The following DGKB variants were observed in gnomAD, a reference collection of about 807,000 sequenced individuals.
DGKB encodes the protein diacylglycerol kinase beta.
A neutral mutation model predicts 114.3 loss-of-function variants in DGKB; 67 were observed. The ratio of observed to expected loss-of-function variants is 0.59; its 90% CI spans 0.48 to 0.72. The LOEUF is 0.72. DGKB is among the 30% of genes least tolerant of loss of function. The probability of loss-of-function intolerance (pLI) is 0.00; values close to 1 mark genes in which losing one functional copy is unlikely to be tolerated. For synonymous variants in DGKB, 398 were observed against 323.1 expected, an observed-to-expected ratio of 1.23 and a Z score of -2.49; for missense variants, 907 against 975.2, an observed-to-expected ratio of 0.93 and a Z score of 0.93.
intron 17 of DGKB, among the ~76,000 whole-genome samples, chr7:14,603,352 C>T (rs1026325217): frequency 1.1e-4 from 16 of 152,096 alleles, no homozygotes; most frequent in African/African-American, 3.9e-4. Context: ...CAACAGAGCT[C>T]AATTAAATTT....
At chr7:14,593,467 A>T (rs557367535) in intron 17 of DGKB, among the ~76,000 whole-genome samples, 1 of 152,138 alleles carries the variant, frequency 6.6e-6, no homozygotes, top group African/African-American at 2.4e-5. Flanking sequence ...GAAACATCAA[A>T]TTTTTAATGT....
chr7:14,248,444 G>A (rs1584716609), intron 23 of DGKB, among the ~76,000 whole-genome samples: 1 of 152,146 alleles, frequency 6.6e-6, no homozygotes, highest in Admixed American at 6.5e-5. Flanking sequence ...TTTGTATGTA[G>A]TATGGACATT....
intron 23 of DGKB, among the ~76,000 whole-genome samples, chr7:14,327,911 C>T (rs532364672): frequency 6.6e-6 from 1 of 152,184 alleles, no homozygotes; most frequent in South Asian, 2.1e-4. Context: ...CAGTTCCTTG[C>T]AAGAGACCAT....
Position 14,603,226 on chromosome 7 carries a change from T to C in DGKB, c.1433+4208A>G, listed in dbSNP as rs556617836. 5.3e-5 allele frequency among the ~76,000 whole-genome samples: 8 copies of C among 152,286 alleles called. No individual in the cohort carries two copies. In the East Asian group the frequency reaches 1.4e-3, roughly 26 times the overall value. ...ATCAGAATTATGCTTACACATTTAA[T>C]TGGGGGAGAGCTTGCCGAATCATCT... On this transcript the variant is annotated intron_variant, in intron 17 of 25. Coordinates refer to ENST00000402815, the MANE Select transcript of DGKB (RefSeq NM_001350709.2).
At chr7:14,298,872 A>T (rs926751004) in intron 23 of DGKB, among the ~76,000 whole-genome samples, 2 of 152,210 alleles carry the variant, frequency 1.3e-5, no homozygotes, top group Non-Finnish European at 2.9e-5. Flanking sequence ...TCCATCAAAA[A>T]GTGGGTGAAG....
chr7:14,495,220 T>C (rs1046461551), intron 20 of DGKB, among the ~76,000 whole-genome samples: 1 of 151,822 alleles, frequency 6.6e-6, no homozygotes, highest in Non-Finnish European at 1.5e-5. Flanking sequence ...TCTATAATAC[T>C]ATTGCACAAA....
At chr7:14,771,295 G>A (rs1837365383) in intron 2 of DGKB, among the ~76,000 whole-genome samples, 1 of 152,068 alleles carries the variant, frequency 6.6e-6, no homozygotes, top group Non-Finnish European at 1.5e-5. Context: ...TTTTCAGTTG[G>A]TCTGGTGATA....
intron 23 of DGKB, among the ~76,000 whole-genome samples, chr7:14,219,906 T>G (rs1451202916): frequency 2.0e-5 from 3 of 151,752 alleles, no homozygotes; most frequent in African/African-American, 2.4e-5. Context: ...GTTTTAGATC[T>G]TACACTTACA....
Position 14,901,750 on chromosome 7 carries a change from T to C in DGKB, c.-188+842A>G, listed in dbSNP as rs560662983. ...ACCTTCAGTATTCTGCTTGCATTCATGTTTATTTGGTCATTTGCTTTACAA... is the reference window on the plus strand; with the variant it reads ...ACCTTCAGTATTCTGCTTGCATTCACGTTTATTTGGTCATTTGCTTTACAA... On this transcript the variant is annotated intron_variant, in intron 1 of 25. Coordinates refer to ENST00000402815, the MANE Select transcript of DGKB (RefSeq NM_001350709.2). Among the ~76,000 whole-genome samples, 397 of 152,244 alleles carry C rather than the reference T, an allele frequency of 2.6e-3. 3 individuals carry two copies. Among genetic ancestry groups the C allele is most frequent in the Middle Eastern group, 0.01 (3 of 294 alleles).
intron 23 of DGKB, among the ~76,000 whole-genome samples, chr7:14,272,063 T>C (rs1002814675): frequency 1.3e-5 from 2 of 152,178 alleles, no homozygotes; most frequent in East Asian, 1.9e-4. Context: ...TAGATAACCA[T>C]ACAGTACCAT....
chr7:14,235,439 C>G (rs976868582), intron 23 of DGKB, among the ~76,000 whole-genome samples: 1 of 151,920 alleles, frequency 6.6e-6, no homozygotes, highest in Non-Finnish European at 1.5e-5. Flanking sequence ...TTCTGTACAA[C>G]AGAGAAGGGC....
chr7:14,678,223 T>C (rs188714842), intron 12 of DGKB, among the ~76,000 whole-genome samples: 32 of 152,148 alleles, frequency 2.1e-4, no homozygotes, highest in Admixed American at 3.9e-4. Flanking sequence ...ATGTGTGACA[T>C]GGACAAGCAA....
At chr7:14,314,691 A>G (rs562833106) in intron 23 of DGKB, among the ~76,000 whole-genome samples, 10 of 152,038 alleles carry the variant, frequency 6.6e-5, no homozygotes, top group South Asian at 2.1e-4. Context: ...GAATGGAACC[A>G]AGTTGGAAAA....
At chr7:14,959,835 T>C (rs149103781) in intron 1 of DGKB, among the ~76,000 whole-genome samples, 12 of 152,066 alleles carry the variant, frequency 7.9e-5, no homozygotes, top group African/African-American at 2.9e-4. Flanking sequence ...AAAGATTTTA[T>C]CCCACTTCAT....
At chr7:14,192,441 T>C (rs949930115) in intron 23 of DGKB, among the ~76,000 whole-genome samples, 2 of 152,156 alleles carry the variant, frequency 1.3e-5, no homozygotes, top group African/African-American at 4.8e-5. Context: ...TGTAAAACTT[T>C]GATGAAAAAT....
At chr7:14,159,346 C>A (rs1783512467) in intron 25 of DGKB, among the ~76,000 whole-genome samples, 1 of 152,104 alleles carries the variant, frequency 6.6e-6, no homozygotes, top group African/African-American at 2.4e-5. Context: ...TTTTGAGTTT[C>A]TTTGAAAGCC....
intron 20 of DGKB, among the ~76,000 whole-genome samples, chr7:14,573,469 G>C (rs1198744124): frequency 8.0e-4 from 19 of 23,768 alleles, no homozygotes; most frequent in African/African-American, 2.9e-3. Context: ...ATCTATCTCT[G>C]TGTGTGTGTG....
chr7:14,864,793 A>AC (rs1421799774), intron 1 of DGKB, among the ~76,000 whole-genome samples: 2 of 111,856 alleles, frequency 1.8e-5, no homozygotes, highest in Non-Finnish European at 4.9e-5. Context: ...AGAGATGATG[A>AC]CAAAAAAAAA....
chr7:14,697,790 G>GAAA lies in DGKB; in HGVS notation c.591+304_591+305insTTT, dbSNP rs1563943642. ...AAAGAAACAAAGAGAAAGAAAGAAA[G>GAAA]GAAGGAAGGAAGAAAGAGAAAGAAA... On this transcript the variant is annotated intron_variant, in intron 8 of 25. Transcript: ENST00000402815. Among the ~76,000 whole-genome samples the GAAA allele has an allele frequency of 2.4e-3, 327 of 138,894 alleles. 2 individuals carry two copies. Among genetic ancestry groups the GAAA allele is most frequent in the African/African-American group, 8.5e-3 (312 of 36,844 alleles). The allele number at this position is 138,894 out of a possible 152,430, so 91.1% of individuals were successfully genotyped here.
Sources: allele counts gnomAD v4.1 joint callset (sites outside exome capture counted in the v4.1 genomes callset), GRCh38; gene constraint gnomAD v4.1.1; transcripts MANE v1.5; gene names NCBI Gene and HGNC (gene_info 2026-07-23, HGNC 2026-07-21).